Variants in CYLC2 observed in about 807,000 individuals in gnomAD.
CYLC2 encodes the protein cylicin 2.
In CYLC2, 30 loss-of-function variants were observed where a neutral mutation model predicts 26.1. The observed-to-expected ratio is 1.15, with a 90% confidence interval of 0.86 to 1.56. The LOEUF (loss-of-function observed/expected upper bound fraction) is 1.56. Ranked by LOEUF, CYLC2 falls within the 40% of genes most tolerant of loss-of-function variation. The pLI is 0.00. For missense variants in CYLC2, 498 were observed against 394.4 expected (o/e 1.26, Z -2.23); for synonymous variants, 158 against 132.8 (o/e 1.19, Z -1.31).
intron 5 of CYLC2, among the ~76,000 whole-genome samples, chr9:103,009,807 T>C (rs1829387284): frequency 6.6e-6 from 1 of 152,024 alleles, no homozygotes; most frequent in Non-Finnish European, 1.5e-5. Context: ...AGAGAGAACA[T>C]GCAATGTTTC....
intron 5 of CYLC2, among the ~76,000 whole-genome samples, chr9:103,008,444 A>G (rs1356138458): frequency 6.6e-6 from 1 of 152,068 alleles, no homozygotes; most frequent in Non-Finnish European, 1.5e-5. Context: ...TAAATCTAGT[A>G]TTTACTTATT....
At chr9:103,003,080 C>T (rs1461566392) in intron 2 of CYLC2, 62 bp from the exon 3 acceptor site, 1 of 1,587,360 alleles carries the variant, frequency 6.3e-7, no homozygotes. Context: ...CACGTAATGC[C>T]ATTTCAGCTC....
In CYLC2 at chr9:103,014,743, ATG is replaced by A. The variant is rs1459071620; in HGVS notation, c.*817-2144_*817-2143del. ...CATATGTAATATACGTATGTATATT[ATG>A]CAATATACATATGTAATATACGTAT... On this transcript the variant is annotated intron_variant, in intron 6 of 7. Transcript: ENST00000374798. 1.9e-4 allele frequency among the ~76,000 whole-genome samples: 9 copies of A among 48,014 alleles called. 1 individual carries two copies. The highest frequency in any genetic ancestry group is 6.3e-4 in the African/African-American group (8 of 12,782). The allele number at this position is 48,014 out of a possible 152,430, so 31.5% of individuals were successfully genotyped here. A position where few individuals can be genotyped will look rare whatever the true frequency, so the allele number is the denominator to read the frequency against.
chr9:103,002,707 A>T (rs1260111745), intron 2 of CYLC2, among the ~76,000 whole-genome samples: 1 of 152,104 alleles, frequency 6.6e-6, no homozygotes, highest in East Asian at 1.9e-4. Flanking sequence ...CTTAAGTCTT[A>T]GCACTTAGAT....
At chr9:103,013,890 T>A (rs1469323450) in intron 6 of CYLC2, among the ~76,000 whole-genome samples, 1 of 113,238 alleles carries the variant, frequency 8.8e-6, no homozygotes, top group African/African-American at 3.7e-5. Context: ...TAATAAATAA[T>A]ATATTATATA....
intron 1 of CYLC2, among the ~76,000 whole-genome samples, chr9:102,997,741 A>G (rs1375391417): frequency 6.6e-6 from 1 of 152,116 alleles, no homozygotes; most frequent in East Asian, 1.9e-4. Flanking sequence ...TCCACTATAT[A>G]TTTTTAAAAC....
chr9:102,998,219 G>A (rs1368850203), intron 1 of CYLC2, among the ~76,000 whole-genome samples: 3 of 151,698 alleles, frequency 2.0e-5, no homozygotes, highest in Non-Finnish European at 2.9e-5. Flanking sequence ...TTAAGCATTA[G>A]TCCTATTAAA....
chr9:102,998,592 G>T (rs2118222531), intron 1 of CYLC2, among the ~76,000 whole-genome samples: 1 of 152,008 alleles, frequency 6.6e-6, no homozygotes, highest in Admixed American at 6.6e-5. Context: ...CATTTGCATA[G>T]TCAGTAGGGG....
chr9:103,007,349 A>T (rs1007598649), intron 5 of CYLC2, among the ~76,000 whole-genome samples: 4 of 152,250 alleles, frequency 2.6e-5, no homozygotes, highest in African/African-American at 9.6e-5. Context: ...ATTTATTTTG[A>T]TTGAAAGAAG....
chr9:102,996,816 T>G (rs2118218465), intron 1 of CYLC2, among the ~76,000 whole-genome samples: 1 of 152,086 alleles, frequency 6.6e-6, no homozygotes, highest in Non-Finnish European at 1.5e-5. Context: ...CTCTAATACC[T>G]TTGCTCTATC....
Position 103,003,163 on chromosome 9 carries a change from C to G in CYLC2, c.80C>G (p.Ser27Ter). 6.2e-7 allele frequency: 1 copy of G among 1,613,524 alleles called. No individual in the cohort carries two copies. The highest frequency in any genetic ancestry group is 8.5e-7 in the Non-Finnish European group (1 of 1,179,654). The part of the protein sequence containing the change: ...YIPVSELSKK[S>*]WNQQHFALLF... The stretch of plus-strand genomic sequence containing the variant: ...TTAGTCAGTGAATTAAGCAAAAAAT[C>G]ATGGAATCAGCAACACTTTGCCCTG... Residue 27 changes from serine (S) to a stop codon, truncating the protein, a stop_gained, in exon 3 of 8, where the codon TCA (serine) becomes TGA (stop). Transcript: ENST00000374798. LOFTEE classifies it high-confidence loss of function.
chr9:103,011,445 G>T (rs993952254), intron 5 of CYLC2, among the ~76,000 whole-genome samples: 1 of 152,046 alleles, frequency 6.6e-6, no homozygotes, highest in African/African-American at 2.4e-5. Context: ...ACTTTAGGTT[G>T]AGGAACTTAA....
At chr9:103,000,721 G>A (rs10820334) in intron 1 of CYLC2, among the ~76,000 whole-genome samples, 113,560 of 151,910 alleles carry the variant, frequency 0.75, 42,948 homozygotes, top group East Asian at 1. Flanking sequence ...AGTTTTACAC[G>A]CTGTCAAATA....
At chr9:103,012,820 T>C (rs1002048384) in intron 6 of CYLC2, among the ~76,000 whole-genome samples, 85 of 151,582 alleles carry the variant, frequency 5.6e-4, no homozygotes, top group African/African-American at 1.5e-3. Context: ...CAAAAGAAAA[T>C]AGCTGCCATA....
intron 1 of CYLC2, among the ~76,000 whole-genome samples, chr9:102,997,702 A>C (rs1212748172): frequency 1.3e-5 from 2 of 151,984 alleles, no homozygotes; most frequent in South Asian, 2.1e-4. Context: ...ACTTGGGAAG[A>C]TATATCATTT....
rs201122797 is a variant in CYLC2 at position 103,001,627 on chromosome 9, G to A, written c.58+9G>A. ...TGATAATTACATTCCAGGTAAGAAA[G>A]CATTCAATATTTATTACAAAACAGG... On this transcript the variant is annotated intron_variant, in intron 2 of 7. Coordinates refer to ENST00000374798, the MANE Select transcript of CYLC2 (RefSeq NM_001340.5). 8.8e-5 allele frequency: 135 copies of A among 1,541,056 alleles called. No homozygotes were observed. In the African/African-American group the frequency reaches 1.7e-3, roughly 19 times the overall value.
intron 1 of CYLC2, among the ~76,000 whole-genome samples, chr9:102,996,135 A>G (rs1010907240): frequency 6.6e-6 from 1 of 151,820 alleles, no homozygotes; most frequent in African/African-American, 2.4e-5. Flanking sequence ...ATAAAACATG[A>G]ATATTAAAAA....
chr9:103,011,108 A>T (rs556979464), intron 5 of CYLC2, among the ~76,000 whole-genome samples: 2 of 152,132 alleles, frequency 1.3e-5, no homozygotes, highest in Non-Finnish European at 2.9e-5. Flanking sequence ...TCCTTGGTAT[A>T]TATGCATTGA....
intron 4 of CYLC2, 55 bp downstream of exon 4, chr9:103,004,906 T>C (rs1293525792): frequency 1.3e-6 from 2 of 1,572,254 alleles, no homozygotes; most frequent in South Asian, 1.2e-5. Context: ...ATTAGATTTC[T>C]ATTAGAATTT....
Sources: gnomAD v4.1 joint callset for allele counts (sites outside exome capture counted in the v4.1 genomes callset) on GRCh38, gnomAD v4.1.1 for gene constraint, MANE v1.5 for transcripts, NCBI Gene and HGNC (gene_info 2026-07-23, HGNC 2026-07-21) for gene names.